Variants in ADD1 observed in about 807,000 individuals in gnomAD.
ADD1 encodes alpha-adducin.
Under a neutral mutation model 80.5 loss-of-function variants are expected in ADD1, and 24 were observed. The ratio of observed to expected loss-of-function variants is 0.30; its 90% CI spans 0.22 to 0.42. The LOEUF is 0.42. Among genes scored for constraint, ADD1 ranks in the 10% least tolerant of loss-of-function variants. ADD1 has a pLI of 1.00. For missense variants in ADD1, 948 were observed against 1,019.0 expected (o/e 0.93, Z 0.95); for synonymous variants, 373 against 393.8 (o/e 0.95, Z 0.63).
intron 1 of ADD1, among the ~76,000 whole-genome samples, chr4:2,859,565 T>G (rs1330505983): frequency 6.6e-6 from 1 of 152,144 alleles, no homozygotes; most frequent in Non-Finnish European, 1.5e-5. Flanking sequence ...AAGTAGACAT[T>G]TCTACACTCC....
chr4:2,919,939 TATTTTAG>T (rs1282693847), intron 14 of ADD1, among the ~76,000 whole-genome samples: 1 of 152,198 alleles, frequency 6.6e-6, no homozygotes, highest in Admixed American at 6.5e-5. Context: ...TTAGGATGTC[TATTTTAG>T]ATCTTTCCCT....
intron 8 of ADD1, chr4:2,898,744 T>A: frequency 1.8e-6 from 1 of 566,078 alleles, no homozygotes; most frequent in Non-Finnish European, 3.1e-6. Context: ...TTCTAATTTT[T>A]AAATTTTCAA....
At chr4:2,918,876 G>C (rs1007275545) in intron 14 of ADD1, among the ~76,000 whole-genome samples, 3 of 151,434 alleles carry the variant, frequency 2.0e-5, no homozygotes, top group African/African-American at 7.3e-5. Flanking sequence ...TCCTGAGACG[G>C]AGTCTCCCTC....
chr4:2,859,937 T>C (rs78299380), intron 1 of ADD1, among the ~76,000 whole-genome samples: 1 of 150,036 alleles, frequency 6.7e-6, no homozygotes, highest in African/African-American at 2.4e-5. Flanking sequence ...TTTTTTTTTT[T>C]CAGGAGAAAC....
At chr4:2,852,247 C>CCTTTCTTTCCTT (rs1364160509) in intron 1 of ADD1, among the ~76,000 whole-genome samples, 7 of 66,250 alleles carry the variant, frequency 1.1e-4, no homozygotes, top group African/African-American at 3.2e-4. Flanking sequence ...TTCTTTCTTT[C>CCTTTCTTTCCTT]TCTTTCTTTC....
At chr4:2,867,790 C>T (rs1448118152) in intron 1 of ADD1, 4 of 152,264 alleles carry the variant, frequency 2.6e-5, no homozygotes, top group African/African-American at 9.6e-5. Flanking sequence ...TTGAGACATC[C>T]TGATTGTCAG....
At chr4:2,859,621 G>T (rs778419502) in intron 1 of ADD1, among the ~76,000 whole-genome samples, 26 of 152,312 alleles carry the variant, frequency 1.7e-4, no homozygotes, top group Middle Eastern at 3.4e-3. Flanking sequence ...CAAAACCAAA[G>T]CAGACATTTC....
At chr4:2,852,247 CT>C (rs1419006557) in intron 1 of ADD1, among the ~76,000 whole-genome samples, 6 of 66,222 alleles carry the variant, frequency 9.1e-5, no homozygotes, top group Non-Finnish European at 1.6e-4. Context: ...TTCTTTCTTT[CT>C]CTTTCTTTCT....
In ADD1 at chr4:2,907,911, G is replaced by C. The variant is rs1015606300; in HGVS notation, c.1608+67G>C. ...ATTGGAAGGGATGCCAGCTGCTTTGGGGGGAGCGGGTGCTTGCTTCTAGCA... is the reference window on the plus strand; with the variant it reads ...ATTGGAAGGGATGCCAGCTGCTTTGCGGGGAGCGGGTGCTTGCTTCTAGCA... On this transcript the variant is annotated intron_variant, in intron 11 of 15. Transcript: ENST00000683351. 15 of 1,318,482 alleles carry C rather than the reference G, an allele frequency of 1.1e-5. No homozygotes were observed. In the East Asian group the frequency reaches 1.1e-4, roughly 10 times the overall value. The allele number at this position is 1,318,482 out of a possible 1,614,324, so 81.7% of individuals were successfully genotyped here. A position where few individuals can be genotyped will look rare whatever the true frequency, so the allele number is the denominator to read the frequency against.
At chr4:2,858,827 CA>C (rs1320891867) in intron 1 of ADD1, among the ~76,000 whole-genome samples, 1 of 152,104 alleles carries the variant, frequency 6.6e-6, no homozygotes, top group Non-Finnish European at 1.5e-5. Context: ...GCTCAACAAA[CA>C]AAGAATAATA....
intron 2 of ADD1, among the ~76,000 whole-genome samples, chr4:2,878,885 C>T (rs1731778295): frequency 6.6e-6 from 1 of 151,870 alleles, no homozygotes. Flanking sequence ...GGGAGGTGAG[C>T]CAAGGTGAGA....
At position 2,914,914 on chromosome 4, in the gene ADD1, A is replaced by G. The variant is rs1331371468; in HGVS notation, c.1822A>G (p.Ile608Val). 2 of 1,613,450 alleles carry G rather than the reference A, an allele frequency of 1.2e-6. No homozygotes were observed. Among genetic ancestry groups the G allele is most frequent in the Non-Finnish European group, 1.7e-6 (2 of 1,179,762 alleles). Residue 608 changes from isoleucine to valine, a missense_variant, in exon 14 of 16, where the codon ATT becomes GTT. Ile to Val is a conservative substitution (Grantham distance 29, BLOSUM62 3). Coordinates refer to ENST00000683351, the MANE Select transcript of ADD1 (RefSeq NM_001354761.2). The part of the protein sequence containing the change: ...GELVTASKAI[I>V]EKEYQPHVIV... Reference sequence around the variant, plus strand: ...GCTGGTGACGGCCTCCAAGGCCATCATTGAAAAGGAGTACCAGCCCCACGT... The same window carrying G: ...GCTGGTGACGGCCTCCAAGGCCATCGTTGAAAAGGAGTACCAGCCCCACGT...
intron 5 of ADD1, 57 bp downstream of exon 5, chr4:2,894,150 A>T: frequency 1.5e-6 from 2 of 1,355,014 alleles, no homozygotes; most frequent in East Asian, 4.6e-5. Flanking sequence ...AGGTCATTCA[A>T]CATCTTCAGA....
intron 13 of ADD1, chr4:2,914,589 C>T: frequency 3.4e-6 from 1 of 293,884 alleles, no homozygotes; most frequent in Non-Finnish European, 6.3e-6. Flanking sequence ...GGCACCCTCC[C>T]TGAGGTGCTC....
chr4:2,881,778 C>A, intron 2 of ADD1, 120 bp from the exon 3 acceptor site: 1 of 665,538 alleles, frequency 1.5e-6, no homozygotes, highest in Non-Finnish European at 2.4e-6. Context: ...GTGAGAATAT[C>A]CGTTTGCCTT....
At chr4:2,918,980 A>G (rs1246087683) in intron 14 of ADD1, among the ~76,000 whole-genome samples, 1 of 151,974 alleles carries the variant, frequency 6.6e-6, no homozygotes, top group Non-Finnish European at 1.5e-5. Flanking sequence ...ACTTGAGACT[A>G]CAGACACACG....
intron 4 of ADD1, among the ~76,000 whole-genome samples, chr4:2,885,378 C>T (rs982035978): frequency 6.6e-6 from 1 of 152,164 alleles, no homozygotes; most frequent in African/African-American, 2.4e-5. Context: ...ATGACTTAGC[C>T]TGGCAACCAT....
rs567947920 is a variant in ADD1 at position 2,845,246 on chromosome 4, T to C, written c.-21+1222T>C. On this transcript the variant is annotated intron_variant, in intron 1 of 15. Coordinates refer to ENST00000683351, the MANE Select transcript of ADD1 (RefSeq NM_001354761.2). ...CGCCACCACGCCCAGCTAATTTTTG[T>C]ATTTTTAGTAGAGACGGGGTTTCAC... Among the ~76,000 whole-genome samples the C allele has an allele frequency of 9.2e-5, 14 of 152,214 alleles. 1 individual carries two copies. The East Asian group carries it at 2.7e-3, about 29-fold the overall frequency.
At chr4:2,872,488 CTT>C (rs1218754706) in intron 1 of ADD1, among the ~76,000 whole-genome samples, 1 of 152,196 alleles carries the variant, frequency 6.6e-6, no homozygotes, top group Admixed American at 6.5e-5. Flanking sequence ...GTTTTATACT[CTT>C]TTATCTGTAT....
Sources: allele counts gnomAD v4.1 joint callset (sites outside exome capture counted in the v4.1 genomes callset), GRCh38; gene constraint gnomAD v4.1.1; transcripts MANE v1.5; gene names NCBI Gene and HGNC (gene_info 2026-07-23, HGNC 2026-07-21).